The following GNA14 variants were observed in gnomAD, a reference collection of about 807,000 sequenced individuals.
The protein encoded by GNA14 is G protein subunit alpha 14, also known as guanine nucleotide-binding protein subunit alpha-14.
Under a neutral mutation model 42.0 loss-of-function variants are expected in GNA14, and 50 were observed. The observed-to-expected ratio is 1.19, with a 90% CI of 0.95 to 1.51. The LOEUF (loss-of-function observed/expected upper bound fraction) is 1.51, where lower values mean the gene tolerates loss of function less well. Ranked by LOEUF, GNA14 falls within the 40% of genes most tolerant of loss-of-function variation. GNA14 has a pLI of 0.00. For missense variants in GNA14, 473 were observed against 446.2 expected, an observed-to-expected ratio of 1.06 and a Z score of -0.54; for synonymous variants, 173 against 163.1, an observed-to-expected ratio of 1.06 and a Z score of -0.46.
chr9:77,472,906 C>T (rs1407381083), intron 2 of GNA14, among the ~76,000 whole-genome samples: 1 of 152,134 alleles, frequency 6.6e-6, no homozygotes, highest in East Asian at 1.9e-4. Flanking sequence ...CTTCTGGTAA[C>T]TTGATCTTGG....
rs116572518 is a variant in GNA14, at chr9:77,556,282, G to A, written c.125-27029C>T. ...AAAGCACACATAAAATGCGTTCACA[G>A]TTGCATATCTACAAAAGATATGGAG... is the stretch of plus-strand genomic sequence containing the variant. On this transcript the variant is annotated intron_variant, in intron 1 of 6. Coordinates refer to ENST00000341700, the MANE Select transcript of GNA14 (RefSeq NM_004297.4). Among the ~76,000 whole-genome samples the A allele has an allele frequency of 4.7e-3, 719 of 152,196 alleles. 8 individuals are homozygous for A. Among genetic ancestry groups the A allele is most frequent in the African/African-American group, 0.016 (684 of 41,530 alleles).
chr9:77,516,296 G>A (rs894070175), intron 2 of GNA14, among the ~76,000 whole-genome samples: 4 of 152,150 alleles, frequency 2.6e-5, no homozygotes, highest in African/African-American at 9.7e-5. Context: ...TATGGGTTAG[G>A]TCTCCTTGTC....
chr9:77,519,001 G>A (rs1296742691), intron 2 of GNA14, among the ~76,000 whole-genome samples: 1 of 152,186 alleles, frequency 6.6e-6, no homozygotes, highest in African/African-American at 2.4e-5. Context: ...AAGATACAAT[G>A]TCACAAAGCT....
At chr9:77,610,658 G>A (rs141723084) in intron 1 of GNA14, among the ~76,000 whole-genome samples, 13 of 152,218 alleles carry the variant, frequency 8.5e-5, no homozygotes, top group African/African-American at 2.6e-4. Flanking sequence ...CAAACTTAAA[G>A]CTAAATAAGC....
intron 2 of GNA14, among the ~76,000 whole-genome samples, chr9:77,519,991 A>G (rs1837325871): frequency 6.6e-6 from 1 of 152,204 alleles, no homozygotes; most frequent in Non-Finnish European, 1.5e-5. Flanking sequence ...CCTGGGCAAC[A>G]GAGTGAGACT....
chr9:77,496,695 A>G (rs531486127), intron 2 of GNA14, among the ~76,000 whole-genome samples: 140 of 152,362 alleles, frequency 9.2e-4, no homozygotes, highest in South Asian at 2.3e-3. Flanking sequence ...AGATGTCTGC[A>G]TGGAGGAAGT....
chr9:77,490,551 T>C (rs7035509), intron 2 of GNA14, among the ~76,000 whole-genome samples: 83,196 of 151,964 alleles, frequency 0.55, 23,153 homozygotes, highest in East Asian at 0.84. Flanking sequence ...TAAGGCCTGG[T>C]GAGAAATTGA....
At chr9:77,434,809 A>C (rs981833929) in intron 2 of GNA14, among the ~76,000 whole-genome samples, 8 of 152,158 alleles carry the variant, frequency 5.3e-5, no homozygotes, top group African/African-American at 1.2e-4. Flanking sequence ...GCATTCAACA[A>C]CACCCAGTGG....
chr9:77,592,337 G>A (rs776696588), intron 1 of GNA14, among the ~76,000 whole-genome samples: 1 of 152,170 alleles, frequency 6.6e-6, no homozygotes, highest in Non-Finnish European at 1.5e-5. Flanking sequence ...AACCCTGATG[G>A]CATAAGTGAA....
At chr9:77,442,331 A>G (rs938649307) in intron 2 of GNA14, among the ~76,000 whole-genome samples, 3 of 152,186 alleles carry the variant, frequency 2.0e-5, no homozygotes, top group African/African-American at 7.2e-5. Flanking sequence ...GAGATCACAC[A>G]ATTGCACTCC....
chr9:77,647,487 G>C (rs1356182290), intron 1 of GNA14, among the ~76,000 whole-genome samples, 183 bp downstream of exon 1: 2 of 152,186 alleles, frequency 1.3e-5, no homozygotes, highest in African/African-American at 4.8e-5. Context: ...CGCCCAGCCA[G>C]AGATGGAAAG....
intron 2 of GNA14, among the ~76,000 whole-genome samples, chr9:77,456,802 A>G (rs1205504737): frequency 6.6e-6 from 1 of 152,172 alleles, no homozygotes; most frequent in Non-Finnish European, 1.5e-5. Flanking sequence ...GGAAAATATT[A>G]TAGTAAAAAT....
At chr9:77,529,550 G>A (rs542507660) in intron 1 of GNA14, among the ~76,000 whole-genome samples, 15 of 152,324 alleles carry the variant, frequency 9.8e-5, no homozygotes, top group African/African-American at 2.6e-4. Context: ...TTGTCACTGC[G>A]AAGATGGCAG....
At chr9:77,472,708 A>G (rs1183571913) in intron 2 of GNA14, among the ~76,000 whole-genome samples, 4 of 152,200 alleles carry the variant, frequency 2.6e-5, no homozygotes, top group African/African-American at 9.6e-5. Context: ...TTCGAGAGGC[A>G]GTTAGGTTTA....
chr9:77,533,507 C>G (rs1337703489), intron 1 of GNA14, among the ~76,000 whole-genome samples: 1 of 152,206 alleles, frequency 6.6e-6, no homozygotes, highest in African/African-American at 2.4e-5. Context: ...GAGATAGTTG[C>G]TCACCATCAT....
Position 77,434,537 on chromosome 9 carries a change from G to C in GNA14, c.310-15C>G, listed in dbSNP as rs1335752601. The C allele has an allele frequency of 1.9e-6, 3 of 1,609,770 alleles. No homozygotes were observed. Among genetic ancestry groups the C allele is most frequent in the Middle Eastern group, 1.7e-4 (1 of 6,024 alleles). ...TGGGCATTTTCCTACTCAAAGGAAAGAGAACCTTGCATCAGGCAAAGGAAA... is the reference window on the plus strand; with the variant it reads ...TGGGCATTTTCCTACTCAAAGGAAACAGAACCTTGCATCAGGCAAAGGAAA... On this transcript the variant is annotated splice_polypyrimidine_tract_variant and intron_variant, in intron 2 of 6. Coordinates refer to ENST00000341700, the MANE Select transcript of GNA14 (RefSeq NM_004297.4).
chr9:77,464,349 A>ATGTGTGTG (rs1309595416), intron 2 of GNA14, among the ~76,000 whole-genome samples: 26 of 102,048 alleles, frequency 2.5e-4, no homozygotes, highest in African/African-American at 8.7e-4. Flanking sequence ...GTGTGTGTGT[A>ATGTGTGTG]TATGTGTGTG....
At chr9:77,450,017 G>A (rs1330681458) in intron 2 of GNA14, among the ~76,000 whole-genome samples, 1 of 152,166 alleles carries the variant, frequency 6.6e-6, no homozygotes, top group Non-Finnish European at 1.5e-5. Flanking sequence ...GGACAGACTG[G>A]AAGCTGGACC....
At chr9:77,526,076 A>ATTTTT (rs34362442) in intron 2 of GNA14, among the ~76,000 whole-genome samples, 2 of 125,146 alleles carry the variant, frequency 1.6e-5, no homozygotes, top group Non-Finnish European at 3.4e-5. Context: ...TAATTTTTGT[A>ATTTTT]TTTTTTTTTT....
Sources: gnomAD v4.1 joint callset for allele counts (sites outside exome capture counted in the v4.1 genomes callset) on GRCh38, gnomAD v4.1.1 for gene constraint, MANE v1.5 for transcripts, NCBI Gene and HGNC (gene_info 2026-07-23, HGNC 2026-07-21) for gene names.